The following CNTN1 variants were observed in gnomAD, a reference collection of about 807,000 sequenced individuals.
CNTN1 encodes the protein contactin-1.
CNTN1 carries 38 observed loss-of-function variants against 126.4 expected under a neutral mutation model. The ratio of observed to expected loss-of-function variants is 0.30; its 90% CI spans 0.23 to 0.39. The LOEUF is 0.39. CNTN1 is among the 10% of genes least tolerant of loss of function. The pLI, the probability that CNTN1 is intolerant of heterozygous loss-of-function variation, is 1.00. For synonymous variants in CNTN1, 413 were observed against 422.6 expected, an observed-to-expected ratio of 0.98 and a Z score of 0.28; for missense variants, 1,009 against 1,248.4, an observed-to-expected ratio of 0.81 and a Z score of 2.89.
intron 1 of CNTN1, among the ~76,000 whole-genome samples, chr12:40,722,223 C>T (rs781330226): frequency 1.3e-5 from 2 of 152,106 alleles, no homozygotes; most frequent in Non-Finnish European, 2.9e-5. Flanking sequence ...AAAATTTGAT[C>T]TTGACCTGAA....
chr12:40,729,829 A>G (rs549081676), intron 1 of CNTN1: 32 of 192,254 alleles, frequency 1.7e-4, no homozygotes, highest in African/African-American at 7.5e-4. Flanking sequence ...CTTGCTGGTC[A>G]CAGACACTGG....
intron 1 of CNTN1, among the ~76,000 whole-genome samples, chr12:40,698,447 AG>A (rs1941509100): frequency 6.6e-6 from 1 of 151,878 alleles, no homozygotes; most frequent in Admixed American, 6.6e-5. Flanking sequence ...CGTGTTAGCG[AG>A]GATGGTCTTG....
rs200937107 is a variant in CNTN1, at chr12:40,976,543, G to GA, written c.1805-4354dup. Among the ~76,000 whole-genome samples the GA allele has an allele frequency of 2.8e-3, 292 of 105,612 alleles. 2 individuals carry two copies. The highest frequency in any genetic ancestry group is 0.022 in the East Asian group (91 of 4,112). The allele number at this position is 105,612 out of a possible 152,430, so 69.3% of individuals were successfully genotyped here. On this transcript the variant is annotated intron_variant, in intron 15 of 23. Coordinates refer to ENST00000551295, the MANE Select transcript of CNTN1 (RefSeq NM_001843.4). ...CGCATGGTAATGGAAACTAAAAAAA[G>GA]AAAAAAAAAAAAGAAAGAAAGAACT...
At chr12:41,028,041 T>C (rs1949071604) in intron 22 of CNTN1, 72 bp downstream of exon 22, 2 of 1,133,882 alleles carry the variant, frequency 1.8e-6, no homozygotes, top group African/African-American at 1.5e-5. Context: ...GGGTTTCTTT[T>C]CTTTTTTTGA....
intron 4 of CNTN1, among the ~76,000 whole-genome samples, chr12:40,919,561 G>A (rs975964421): frequency 1.3e-5 from 2 of 152,116 alleles, no homozygotes; most frequent in African/African-American, 2.4e-5. Flanking sequence ...TGACTTAATT[G>A]AAAGTTGTCA....
At chr12:40,934,654 C>T (rs1020832139) in intron 9 of CNTN1, among the ~76,000 whole-genome samples, 15 of 151,874 alleles carry the variant, frequency 9.9e-5, no homozygotes, top group African/African-American at 3.6e-4. Flanking sequence ...GCTACTGTCC[C>T]ATTTCACTTT....
intron 17 of CNTN1, among the ~76,000 whole-genome samples, chr12:40,993,738 A>G (rs1346031381): frequency 6.6e-6 from 1 of 152,194 alleles, no homozygotes; most frequent in African/African-American, 2.4e-5. Context: ...TATGGTAAAT[A>G]CCAACTGCAA....
intron 23 of CNTN1, among the ~76,000 whole-genome samples, chr12:41,039,339 G>A (rs1026165212): frequency 6.6e-6 from 1 of 152,078 alleles, no homozygotes; most frequent in Non-Finnish European, 1.5e-5. Flanking sequence ...GAAGTGGGAG[G>A]CAGTTATATT....
chr12:40,834,196 C>T (rs1941960127), intron 1 of CNTN1, among the ~76,000 whole-genome samples: 1 of 152,116 alleles, frequency 6.6e-6, no homozygotes, highest in African/African-American at 2.4e-5. Context: ...TGGTGGTGCA[C>T]TCCATTATTT....
At chr12:40,819,877 G>C (rs1204720723) in intron 1 of CNTN1, among the ~76,000 whole-genome samples, 1 of 152,156 alleles carries the variant, frequency 6.6e-6, no homozygotes, top group African/African-American at 2.4e-5. Flanking sequence ...TGGGTATCGT[G>C]CTCACTCACC....
Position 41,016,823 on chromosome 12 carries a change from C to T in CNTN1, c.2326C>T (p.Pro776Ser), listed in dbSNP as rs199833589. 1.4e-5 allele frequency: 22 copies of T among 1,614,094 alleles called. No homozygotes were observed. In the Admixed American group the frequency reaches 3.5e-4, roughly 26 times the overall value. ...RYVHKDETMSPSTAFQVKVKA... is the reference protein window; with the variant it reads ...RYVHKDETMSSSTAFQVKVKA... ...TGTCCATAAAGATGAAACCATGAGC[C>T]CTTCCACTGCATTTCAAGTTAAAGT... The change falls in exon 19 of 24, where the codon CCT (proline) becomes TCT (serine). Residue 776 changes from proline (P) to serine (S), a missense_variant. Coordinates refer to ENST00000551295, the MANE Select transcript of CNTN1 (RefSeq NM_001843.4).
chr12:40,958,916 C>T (rs1407504047), intron 14 of CNTN1, among the ~76,000 whole-genome samples, 198 bp from the exon 15 acceptor site: 1 of 152,002 alleles, frequency 6.6e-6, no homozygotes, highest in Admixed American at 6.6e-5. Flanking sequence ...CTAAAAAATA[C>T]CTTATCAATA....
intron 1 of CNTN1, among the ~76,000 whole-genome samples, chr12:40,775,104 T>A (rs1939526940): frequency 6.6e-6 from 1 of 151,386 alleles, no homozygotes; most frequent in Non-Finnish European, 1.5e-5. Flanking sequence ...TCCTTCTATC[T>A]TACTATATTT....
chr12:41,050,980 C>G (rs372066797), intron 23 of CNTN1, among the ~76,000 whole-genome samples: 129 of 152,216 alleles, frequency 8.5e-4, no homozygotes, highest in African/African-American at 3.0e-3. Context: ...TCCCACCCCA[C>G]AAGAACCAAC....
At chr12:41,006,533 C>A (rs1024602098) in intron 17 of CNTN1, among the ~76,000 whole-genome samples, 62 of 152,206 alleles carry the variant, frequency 4.1e-4, no homozygotes, top group African/African-American at 1.4e-3. Flanking sequence ...CCATATAGTT[C>A]TGCATATAGT....
chr12:40,720,003 A>ATTTTTTTTTTTTTTTTT (rs561694238), intron 1 of CNTN1, among the ~76,000 whole-genome samples: 1 of 127,238 alleles, frequency 7.9e-6, no homozygotes, highest in African/African-American at 3.0e-5. Context: ...CGCCCGGTTA[A>ATTTTTTTTTTTTTTTTT]TTTTTTTTTT....
chr12:40,717,639 A>T, intron 1 of CNTN1, among the ~76,000 whole-genome samples: 1 of 152,212 alleles, frequency 6.6e-6, no homozygotes, highest in Middle Eastern at 3.2e-3. Context: ...AGTTTCTTGA[A>T]GGAGCCTTAT....
intron 1 of CNTN1, among the ~76,000 whole-genome samples, chr12:40,789,081 TA>T: frequency 6.6e-6 from 1 of 152,276 alleles, no homozygotes; most frequent in African/African-American, 2.4e-5. Flanking sequence ...AGTTACATAT[TA>T]ATTGCTATAT....
chr12:40,863,037 A>G (rs1943169111), intron 1 of CNTN1, among the ~76,000 whole-genome samples: 1 of 152,232 alleles, frequency 6.6e-6, no homozygotes, highest in Non-Finnish European at 1.5e-5. Context: ...TATAGCTATC[A>G]CATATTTGCT....
Sources: allele counts gnomAD v4.1 joint callset (sites outside exome capture counted in the v4.1 genomes callset), GRCh38; gene constraint gnomAD v4.1.1; transcripts MANE v1.5; gene names NCBI Gene and HGNC (gene_info 2026-07-23, HGNC 2026-07-21).